The following ARHGAP15 variants were observed in gnomAD, a reference collection of about 807,000 sequenced individuals.
The protein encoded by ARHGAP15 is rho GTPase-activating protein 15.
A neutral mutation model predicts 63.7 loss-of-function variants in ARHGAP15; 51 were observed. That is an observed-to-expected ratio of 0.80 (90% CI 0.64 to 1.01). The LOEUF (loss-of-function observed/expected upper bound fraction) is 1.01. Among genes scored for constraint, ARHGAP15 ranks in the 50% least tolerant of loss-of-function variants. The pLI, the probability that ARHGAP15 is intolerant of heterozygous loss-of-function variation, is 0.00. For missense variants in ARHGAP15, 560 were observed against 564.6 expected, an observed-to-expected ratio of 0.99 and a Z score of 0.08; for synonymous variants, 191 against 193.8, an observed-to-expected ratio of 0.99 and a Z score of 0.12.
At chr2:143,257,071 T>G (rs1217470125) in intron 6 of ARHGAP15, among the ~76,000 whole-genome samples, 1 of 152,160 alleles carries the variant, frequency 6.6e-6, no homozygotes, top group African/African-American at 2.4e-5. Context: ...CATCTAGAAT[T>G]AAGATTTATA....
chr2:143,153,832 T>TC (rs1455042621), intron 1 of ARHGAP15, among the ~76,000 whole-genome samples: 2,475 of 81,126 alleles, frequency 0.031, 193 homozygotes, highest in Middle Eastern at 0.071. Flanking sequence ...TTCTTCTTCT[T>TC]CTTCTTCTTC....
chr2:143,140,818 T>C (rs1689330913), intron 1 of ARHGAP15, among the ~76,000 whole-genome samples: 1 of 152,130 alleles, frequency 6.6e-6, no homozygotes, highest in Admixed American at 6.5e-5. Context: ...GAGAACAAGG[T>C]GCAGCAGAGG....
chr2:143,516,185 A>G (rs1029997363), intron 9 of ARHGAP15, among the ~76,000 whole-genome samples: 5 of 152,334 alleles, frequency 3.3e-5, no homozygotes, highest in South Asian at 2.1e-4. Context: ...AGATTTAGAA[A>G]ATAGGGAATG....
At chr2:143,262,775 T>A (rs1338261031) in intron 6 of ARHGAP15, among the ~76,000 whole-genome samples, 1 of 152,130 alleles carries the variant, frequency 6.6e-6, no homozygotes, top group Non-Finnish European at 1.5e-5. Flanking sequence ...ATCATGAGTA[T>A]CCATAGTTAC....
intron 12 of ARHGAP15, among the ~76,000 whole-genome samples, chr2:143,649,073 T>C (rs1165916431): frequency 2.0e-5 from 3 of 152,004 alleles, no homozygotes; most frequent in African/African-American, 7.2e-5. Context: ...GTCAGGGTCA[T>C]AGAGAGCAAG....
At chr2:143,435,248 T>C in intron 6 of ARHGAP15, 1 of 996,244 alleles carries the variant, frequency 1.0e-6, no homozygotes, top group Non-Finnish European at 1.2e-6. Context: ...CAGAATGAAT[T>C]CTGACACACC....
chr2:143,397,257 TAATGATA>T (rs1230460953), intron 6 of ARHGAP15, among the ~76,000 whole-genome samples: 8 of 51,468 alleles, frequency 1.6e-4, no homozygotes, highest in African/African-American at 2.3e-4. Context: ...ATGTGAACAA[TAATGATA>T]AATAAGAATG....
At chr2:143,329,075 C>T (rs1025449388) in intron 6 of ARHGAP15, among the ~76,000 whole-genome samples, 1 of 152,200 alleles carries the variant, frequency 6.6e-6, no homozygotes, top group African/African-American at 2.4e-5. Context: ...CAACCTTGCC[C>T]TCACAAGTGT....
In ARHGAP15 at chr2:143,324,411, CTGTT is replaced by C. The variant is rs371170895; in HGVS notation, c.474+73814_474+73817del. ...TACATGCTAAAAATGACTTGTATGT[CTGTT>C]TGGTGGGCTGCCACCAACATAGAAA... On this transcript the variant is annotated intron_variant, in intron 6 of 13. Coordinates refer to ENST00000295095, the MANE Select transcript of ARHGAP15 (RefSeq NM_018460.4). Among the ~76,000 whole-genome samples the C allele has an allele frequency of 4.6e-3, 693 of 152,254 alleles. 7 individuals carry two copies. The highest frequency in any genetic ancestry group is 0.015 in the African/African-American group (629 of 41,540).
At chr2:143,632,712 T>C (rs1365006650) in intron 12 of ARHGAP15, among the ~76,000 whole-genome samples, 1 of 152,174 alleles carries the variant, frequency 6.6e-6, no homozygotes. Flanking sequence ...CTATTGCATG[T>C]TCTAATGGTT....
intron 3 of ARHGAP15, among the ~76,000 whole-genome samples, chr2:143,203,205 G>T (rs758651687): frequency 1.3e-5 from 2 of 152,022 alleles, no homozygotes; most frequent in African/African-American, 4.8e-5. Context: ...TTGCTTCAGT[G>T]TTCCTGTTTT....
At position 143,470,218 on chromosome 2, in the gene ARHGAP15, T is replaced by C. The variant is rs550647328; in HGVS notation, c.704-17155T>C. 5.9e-5 allele frequency among the ~76,000 whole-genome samples: 9 copies of C among 151,918 alleles called. No individual in the cohort carries two copies. In the South Asian group the frequency reaches 1.9e-3, roughly 32 times the overall value. ...TTCTTTAAGAAAGAGCTCAACATGA[T>C]TTGGCACTAGTATCTGTGAATAGGT... On this transcript the variant is annotated intron_variant, in intron 8 of 13. Coordinates refer to ENST00000295095, the MANE Select transcript of ARHGAP15 (RefSeq NM_018460.4).
intron 13 of ARHGAP15, among the ~76,000 whole-genome samples, chr2:143,756,137 T>C (rs1357829311): frequency 6.6e-6 from 1 of 152,086 alleles, no homozygotes; most frequent in East Asian, 1.9e-4. Flanking sequence ...GCGCCCTCAA[T>C]GAAAAGTAAA....
chr2:143,443,220 A>C (rs1689971802), intron 8 of ARHGAP15, among the ~76,000 whole-genome samples: 1 of 152,170 alleles, frequency 6.6e-6, no homozygotes, highest in African/African-American at 2.4e-5. Context: ...TAATCCTGCC[A>C]ATGTATGAAA....
At chr2:143,567,021 G>A (rs1361307898) in intron 11 of ARHGAP15, among the ~76,000 whole-genome samples, 2 of 151,792 alleles carry the variant, frequency 1.3e-5, no homozygotes, top group Non-Finnish European at 2.9e-5. Flanking sequence ...GACTACAGGT[G>A]CCCGCCACCA....
chr2:143,319,191 T>TTG (rs566080102), intron 6 of ARHGAP15, among the ~76,000 whole-genome samples: 36 of 152,070 alleles, frequency 2.4e-4, no homozygotes, highest in Non-Finnish European at 4.3e-4. Context: ...CACTCCCCTC[T>TTG]TGTGCATGGC....
chr2:143,251,388 CT>C (rs767227935), intron 6 of ARHGAP15, among the ~76,000 whole-genome samples: 1 of 151,890 alleles, frequency 6.6e-6, no homozygotes, highest in Non-Finnish European at 1.5e-5. Flanking sequence ...TAAATGTCTT[CT>C]GAGAGCATGT....
At chr2:143,361,070 C>T (rs992158642) in intron 6 of ARHGAP15, among the ~76,000 whole-genome samples, 3 of 152,102 alleles carry the variant, frequency 2.0e-5, no homozygotes, top group African/African-American at 7.2e-5. Flanking sequence ...ATGAGTTCCA[C>T]ATTTTTAGGG....
intron 2 of ARHGAP15, among the ~76,000 whole-genome samples, chr2:143,195,405 C>A (rs907447607): frequency 6.6e-6 from 1 of 151,918 alleles, no homozygotes; most frequent in Non-Finnish European, 1.5e-5. Context: ...TGAAAAGATG[C>A]ATTTAGGTAG....
Sources: gnomAD v4.1 joint callset for allele counts (sites outside exome capture counted in the v4.1 genomes callset) on GRCh38, gnomAD v4.1.1 for gene constraint, MANE v1.5 for transcripts, NCBI Gene and HGNC (gene_info 2026-07-23, HGNC 2026-07-21) for gene names.